The following TNRC6B variants were observed in gnomAD, a reference collection of about 807,000 sequenced individuals.
The protein encoded by TNRC6B is trinucleotide repeat-containing gene 6B protein.
Under a neutral mutation model 203.6 loss-of-function variants are expected in TNRC6B, and 52 were observed. The ratio of observed to expected loss-of-function variants is 0.26; its 90% CI spans 0.20 to 0.32. The LOEUF is 0.32. Among genes scored for constraint, TNRC6B ranks in the 10% least tolerant of loss-of-function variants. The pLI is 1.00. For missense variants in TNRC6B, 1,923 were observed against 2,286.2 expected, an observed-to-expected ratio of 0.84 and a Z score of 3.24; for synonymous variants, 838 against 845.7, an observed-to-expected ratio of 0.99 and a Z score of 0.16.
intron 12 of TNRC6B, among the ~76,000 whole-genome samples, chr22:40,286,988 TTTTG>T (rs2070793330): frequency 1.3e-5 from 2 of 152,096 alleles, no homozygotes; most frequent in Non-Finnish European, 2.9e-5. Flanking sequence ...AAGGTTCAGT[TTTTG>T]TTGTTTTTGT....
intron 1 of TNRC6B, among the ~76,000 whole-genome samples, chr22:40,050,821 T>G (rs2067737982): frequency 1.3e-5 from 2 of 150,164 alleles, no homozygotes; most frequent in Non-Finnish European, 1.5e-5. Context: ...AGTTTTTTTG[T>G]TTTTGGGTTT....
chr22:40,063,903 A>C (rs868688259), intron 1 of TNRC6B, among the ~76,000 whole-genome samples: 1 of 151,902 alleles, frequency 6.6e-6, no homozygotes, highest in African/African-American at 2.4e-5. Context: ...GGGTTTTGCT[A>C]TGTTGCCTAG....
rs1695781753 is a variant in TNRC6B, at chr22:40,333,059, C to T, written c.*9818C>T. 6.6e-6 allele frequency: 1 copy of T among 152,204 alleles called. No homozygotes were observed. The highest frequency in any genetic ancestry group is 1.9e-4 in the East Asian group (1 of 5,192). 9.4% of individuals were successfully genotyped at this position (152,204 alleles called of 1,614,324 possible). On this transcript the variant is annotated 3_prime_UTR_variant, in exon 23 of 23. Transcript: ENST00000454349. ...CAGCAGACCAGTATGTAAACCCTGT[C>T]TTGGCTGGGCGCGGTGGCTCACACC...
intron 1 of TNRC6B, among the ~76,000 whole-genome samples, chr22:40,092,829 T>C (rs1421871881): frequency 6.6e-6 from 1 of 152,226 alleles, no homozygotes; most frequent in Non-Finnish European, 1.5e-5. Context: ...AAACAGATAC[T>C]GTAAGTGTAA....
intron 1 of TNRC6B, among the ~76,000 whole-genome samples, chr22:40,218,324 C>CTTTTTTTTTTTT: frequency 1.8e-3 from 171 of 97,452 alleles, no homozygotes; most frequent in African/African-American, 3.7e-3. Flanking sequence ...TTTTTCTTTT[C>CTTTTTTTTTTTT]TTTTTTTTTT....
At chr22:40,259,836 G>T (rs2070348089) in intron 3 of TNRC6B, among the ~76,000 whole-genome samples, 1 of 152,214 alleles carries the variant, frequency 6.6e-6, no homozygotes, top group African/African-American at 2.4e-5. Flanking sequence ...ACTACCCCCA[G>T]AGTTGGCCCT....
chr22:40,258,101 T>TTTTTTTTTTTA (rs869114055), intron 3 of TNRC6B, among the ~76,000 whole-genome samples: 4 of 108,414 alleles, frequency 3.7e-5, no homozygotes, highest in South Asian at 5.7e-4. Flanking sequence ...TTTTTTTTTT[T>TTTTTTTTTTTA]ACCCCACAAT....
At chr22:40,140,260 A>T (rs2068634226) in intron 3 of TNRC6B, among the ~76,000 whole-genome samples, 1 of 152,230 alleles carries the variant, frequency 6.6e-6, no homozygotes, top group East Asian at 1.9e-4. Context: ...TAGCTATAGA[A>T]CCACAAATTT....
At chr22:40,204,878 G>T (rs1402341069) in intron 1 of TNRC6B, among the ~76,000 whole-genome samples, 5 of 152,048 alleles carry the variant, frequency 3.3e-5, no homozygotes, top group Non-Finnish European at 5.9e-5. Flanking sequence ...AAATGTAGTT[G>T]GTTTCTAACC....
chr22:40,092,115 A>G (rs1297901978), intron 1 of TNRC6B, among the ~76,000 whole-genome samples: 2 of 152,184 alleles, frequency 1.3e-5, no homozygotes, highest in East Asian at 3.9e-4. Flanking sequence ...AAATGATCAG[A>G]TTTGAGGCCA....
At chr22:40,253,703 G>A in intron 3 of TNRC6B, 1 of 456,348 alleles carries the variant, frequency 2.2e-6, no homozygotes, top group Non-Finnish European at 4.4e-6. Flanking sequence ...AGTTGTCCCT[G>A]GGGTATGTTA....
intron 1 of TNRC6B, among the ~76,000 whole-genome samples, chr22:40,189,805 G>A (rs765137762): frequency 1.4e-4 from 21 of 152,096 alleles, no homozygotes; most frequent in Non-Finnish European, 2.8e-4. Flanking sequence ...TCAGGGAACT[G>A]TAAGGTTGAA....
intron 3 of TNRC6B, among the ~76,000 whole-genome samples, chr22:40,255,185 G>T (rs2070252661): frequency 6.6e-6 from 1 of 152,174 alleles, no homozygotes; most frequent in Admixed American, 6.5e-5. Flanking sequence ...CAGATATTTT[G>T]TTCAGTGAAA....
chr22:40,283,517 A>T (rs1029124310), intron 11 of TNRC6B, among the ~76,000 whole-genome samples: 2 of 152,206 alleles, frequency 1.3e-5, no homozygotes, highest in Non-Finnish European at 2.9e-5. Flanking sequence ...CCAAATCTGT[A>T]TGATTGCCCC....
intron 1 of TNRC6B, among the ~76,000 whole-genome samples, chr22:40,061,720 T>C (rs1190030571): frequency 6.6e-6 from 1 of 152,196 alleles, no homozygotes; most frequent in Non-Finnish European, 1.5e-5. Flanking sequence ...ATTTATAACA[T>C]GCATCTTTTA....
chr22:40,310,905 G>A lies in TNRC6B; in HGVS notation c.4347G>A (p.Thr1449=), dbSNP rs2071169887. 5 of 1,611,544 alleles carry A rather than the reference G, an allele frequency of 3.1e-6. No individual in the cohort carries two copies. The highest frequency in any genetic ancestry group is 2.2e-5 in the East Asian group (1 of 44,864). The change falls in exon 17 of 23, where the codon ACG becomes ACA. Residue 1449 remains threonine (T), a synonymous_variant. Transcript: ENST00000454349. ...IIPGDTLGGH[T]GPAGDSWLPA... ...CTGGTGACACACTGGGTGGCCATACGGGTCCTGCTGGTGATAGCTGGTTAC... is the reference window on the plus strand; with the variant it reads ...CTGGTGACACACTGGGTGGCCATACAGGTCCTGCTGGTGATAGCTGGTTAC...
At chr22:40,152,390 G>A (rs1292817601) in intron 3 of TNRC6B, among the ~76,000 whole-genome samples, 1 of 152,180 alleles carries the variant, frequency 6.6e-6, no homozygotes, top group Non-Finnish European at 1.5e-5. Flanking sequence ...GCAGTGGCAC[G>A]ATCTCGGCTC....
At chr22:40,149,461 G>T (rs532953035) in intron 3 of TNRC6B, among the ~76,000 whole-genome samples, 2 of 152,100 alleles carry the variant, frequency 1.3e-5, no homozygotes, top group Non-Finnish European at 2.9e-5. Flanking sequence ...GAGGTCAGGA[G>T]TTTGAGACCA....
chr22:40,115,322 C>T (rs1354758862), intron 1 of TNRC6B, among the ~76,000 whole-genome samples: 1 of 152,200 alleles, frequency 6.6e-6, no homozygotes, highest in African/African-American at 2.4e-5. Context: ...TAGTGTTATT[C>T]TCTTGATAGT....
Sources: gnomAD v4.1 joint callset for allele counts (sites outside exome capture counted in the v4.1 genomes callset) on GRCh38, gnomAD v4.1.1 for gene constraint, MANE v1.5 for transcripts, NCBI Gene and HGNC (gene_info 2026-07-23, HGNC 2026-07-21) for gene names.